EGFR: variants seen among roughly 807,000 people sequenced by gnomAD.
The protein encoded by EGFR is epidermal growth factor receptor.
A neutral mutation model predicts 143.0 loss-of-function variants in EGFR; 58 were observed. The observed-to-expected ratio is 0.41, with a 90% CI of 0.33 to 0.50. The LOEUF (loss-of-function observed/expected upper bound fraction) is 0.50. Among genes scored for constraint, EGFR ranks in the 20% least tolerant of loss-of-function variants. The pLI is 0.39. For synonymous variants in EGFR, 613 were observed against 594.4 expected (o/e 1.03, Z -0.45); for missense variants, 1,307 against 1,579.0 (o/e 0.83, Z 2.92).
intron 1 of EGFR, among the ~76,000 whole-genome samples, chr7:55,123,025 G>T (rs1237201866): frequency 6.6e-6 from 1 of 152,238 alleles, no homozygotes; most frequent in Non-Finnish European, 1.5e-5. Flanking sequence ...TAATTCACAT[G>T]GTGGGATATT....
At chr7:55,122,910 C>T (rs1207706892) in intron 1 of EGFR, among the ~76,000 whole-genome samples, 3 of 152,230 alleles carry the variant, frequency 2.0e-5, no homozygotes, top group Non-Finnish European at 2.9e-5. Flanking sequence ...CTGGGGCCAG[C>T]GTGCAGTGTC....
intron 1 of EGFR, among the ~76,000 whole-genome samples, chr7:55,078,277 C>T (rs112874064): frequency 3.9e-5 from 6 of 152,264 alleles, no homozygotes; most frequent in African/African-American, 1.4e-4. Context: ...GTCCCGCGTC[C>T]TCACTGTCCT....
chr7:55,198,615 C>T, intron 22 of EGFR, 102 bp from the exon 23 acceptor site: 1 of 1,573,280 alleles, frequency 6.4e-7, no homozygotes, highest in South Asian at 1.1e-5. Context: ...ATGTAGGTTT[C>T]TAAACATCAA....
Position 55,134,695 on chromosome 7 carries a change from A to G in EGFR, c.89-7591A>G, listed in dbSNP as rs183960509. On this transcript the variant is annotated intron_variant, in intron 1 of 27. Transcript: ENST00000275493. ...TTACTAGCCATTCAGTTGCCCATAAAAAATGGAAAGTGATTTAAGATTATT... is the reference window on the plus strand; with the variant it reads ...TTACTAGCCATTCAGTTGCCCATAAGAAATGGAAAGTGATTTAAGATTATT... Among the ~76,000 whole-genome samples, 8 of 152,380 alleles carry G rather than the reference A, an allele frequency of 5.3e-5. No individual in the cohort carries two copies. In the East Asian group the frequency reaches 1.5e-3, roughly 29 times the overall value.
At chr7:55,061,612 ATGTGTGTGTGTG>A (rs1205967063) in intron 1 of EGFR, among the ~76,000 whole-genome samples, 4 of 126,262 alleles carry the variant, frequency 3.2e-5, no homozygotes, top group Non-Finnish European at 5.0e-5. Context: ...GTCTCCAGGG[ATGTGTGTGTGTG>A]TGTGTGTGTG....
intron 20 of EGFR, among the ~76,000 whole-genome samples, chr7:55,186,425 G>C (rs1459995055): frequency 6.6e-6 from 1 of 152,178 alleles, no homozygotes; most frequent in Non-Finnish European, 1.5e-5. Context: ...TGGCCCCAGG[G>C]TGGTGACTCA....
At chr7:55,036,272 G>GTGTGT (rs1491495146) in intron 1 of EGFR, among the ~76,000 whole-genome samples, 20 of 18,438 alleles carry the variant, frequency 1.1e-3, no homozygotes, top group African/African-American at 2.3e-3. Flanking sequence ...GTGTGTGTGT[G>GTGTGT]GGGGGGGGGG....
chr7:55,156,204 G>A (rs903004512), intron 8 of EGFR, among the ~76,000 whole-genome samples: 2 of 152,178 alleles, frequency 1.3e-5, no homozygotes, highest in African/African-American at 4.8e-5. Context: ...CCCAGCCCTG[G>A]GGAGAATCCA....
chr7:55,128,325 T>C (rs1793648055), intron 1 of EGFR, among the ~76,000 whole-genome samples: 1 of 152,234 alleles, frequency 6.6e-6, no homozygotes, highest in East Asian at 1.9e-4. Flanking sequence ...AGAAATCCAC[T>C]GAAATATTCT....
intron 1 of EGFR, among the ~76,000 whole-genome samples, chr7:55,103,188 C>G (rs1562716237): frequency 6.6e-6 from 1 of 152,168 alleles, no homozygotes; most frequent in Non-Finnish European, 1.5e-5. Flanking sequence ...TTGAGGCATC[C>G]TCTGTTGGTG....
At chr7:55,127,465 C>A (rs541344871) in intron 1 of EGFR, among the ~76,000 whole-genome samples, 2 of 152,130 alleles carry the variant, frequency 1.3e-5, no homozygotes, top group South Asian at 4.2e-4. Context: ...CCCCCTCACC[C>A]CCCACCACCC....
At chr7:55,161,473 T>A (rs1441936162) in intron 12 of EGFR, 26 bp from the exon 13 acceptor site, 1 of 1,609,846 alleles carries the variant, frequency 6.2e-7, no homozygotes, top group East Asian at 2.2e-5. Flanking sequence ...TGTCACTGAC[T>A]GCTGTGACCC....
intron 4 of EGFR, among the ~76,000 whole-genome samples, chr7:55,147,964 C>G (rs985539414): frequency 2.0e-5 from 3 of 152,210 alleles, no homozygotes; most frequent in Admixed American, 6.5e-5. Flanking sequence ...TAAGAATGTC[C>G]TTCCTCTTCA....
chr7:55,194,092 C>T (rs112308396), intron 22 of EGFR, among the ~76,000 whole-genome samples: 5,692 of 152,216 alleles, frequency 0.037, 360 homozygotes, highest in African/African-American at 0.13. Context: ...GGGTCCTGCC[C>T]CAAGCCATTT....
chr7:55,189,308 A>G (rs1340126973), intron 20 of EGFR, among the ~76,000 whole-genome samples: 1 of 152,166 alleles, frequency 6.6e-6, no homozygotes, highest in African/African-American at 2.4e-5. Context: ...ACCCCAGGTC[A>G]TCTAACGAGG....
intron 1 of EGFR, among the ~76,000 whole-genome samples, chr7:55,073,661 C>T (rs1021150042): frequency 6.6e-6 from 1 of 152,206 alleles, no homozygotes; most frequent in African/African-American, 2.4e-5. Flanking sequence ...TCCCATGTGT[C>T]CCATGAGGAA....
At position 55,157,727 on chromosome 7, in the gene EGFR, A is replaced by T. The variant is rs1230287644; in HGVS notation, c.1272A>T (p.Glu424Asp). 6.2e-7 allele frequency: 1 copy of T among 1,614,216 alleles called. No individual in the cohort carries two copies. Among genetic ancestry groups the T allele is most frequent in the South Asian group, 1.1e-5 (1 of 91,088 alleles). Residue 424 changes from glutamate to aspartate, a missense_variant, in exon 11 of 28, where the codon GAA becomes GAT. This residue lies in a region of EGFR where 250 missense variants were observed against 295.1 expected (regional missense o/e 0.85). Transcript: ENST00000275493. ...RTDLHAFENL[E>D]IIRGRTKQHG... Reference sequence around the variant, plus strand: ...ACCTCCATGCCTTTGAGAACCTAGAAATCATACGCGGCAGGACCAAGCAAC... The same window carrying T: ...ACCTCCATGCCTTTGAGAACCTAGATATCATACGCGGCAGGACCAAGCAAC...
chr7:55,020,497 T>C (rs1208705474), intron 1 of EGFR, among the ~76,000 whole-genome samples: 1 of 152,036 alleles, frequency 6.6e-6, no homozygotes, highest in Non-Finnish European at 1.5e-5. Flanking sequence ...GAGACTTTCT[T>C]TCTTGGATGT....
At chr7:55,070,939 G>A (rs1583965696) in intron 1 of EGFR, among the ~76,000 whole-genome samples, 1 of 152,240 alleles carries the variant, frequency 6.6e-6, no homozygotes, top group Non-Finnish European at 1.5e-5. Flanking sequence ...GCTTTGTAAA[G>A]TTTTGCTTTA....
Sources: allele counts gnomAD v4.1 joint callset (sites outside exome capture counted in the v4.1 genomes callset), GRCh38; gene constraint gnomAD v4.1.1; regional missense constraint gnomAD v4.1.1; transcripts MANE v1.5; gene names NCBI Gene and HGNC (gene_info 2026-07-23, HGNC 2026-07-21).